The following CDH3 variants were observed in gnomAD, a reference collection of about 807,000 sequenced individuals.
The protein encoded by CDH3 is cadherin 3, also known as cadherin-3.
CDH3 carries 54 observed loss-of-function variants against 82.0 expected under a neutral mutation model. The observed-to-expected ratio is 0.66, with a 90% CI of 0.53 to 0.83. The LOEUF (loss-of-function observed/expected upper bound fraction) is 0.83, where lower values mean the gene tolerates loss of function less well. Ranked by LOEUF, CDH3 falls within the 40% of genes least tolerant of loss-of-function variation. CDH3 has a pLI of 0.00. For missense variants in CDH3, 1,054 were observed against 1,084.6 expected (o/e 0.97, Z 0.40); for synonymous variants, 446 against 437.9 (o/e 1.02, Z -0.23).
At position 68,678,883 on chromosome 16, in the gene CDH3, G is replaced by C. The variant is rs753785979; in HGVS notation, c.668G>C (p.Ser223Thr). 2 of 1,613,966 alleles carry C rather than the reference G, an allele frequency of 1.2e-6. No individual in the cohort carries two copies. The highest frequency in any genetic ancestry group is 1.7e-6 in the Non-Finnish European group (2 of 1,180,028). ...TTTACCCAGGACACCTTCCGAGGGA[G>C]TGTCTTAGAGGGAGTCCTACCAGGT... ...PKFTQDTFRG[S>T]VLEGVLPGTS... The change falls in exon 6 of 16, where the codon AGT becomes ACT. Residue 223 changes from serine (S) to threonine (T), a missense_variant. Coordinates refer to ENST00000264012, the MANE Select transcript of CDH3 (RefSeq NM_001793.6).
intron 11 of CDH3, among the ~76,000 whole-genome samples, chr16:68,686,062 T>A (rs1270087466): frequency 6.6e-6 from 1 of 152,180 alleles, no homozygotes; most frequent in African/African-American, 2.4e-5. Flanking sequence ...AAGCCTATAA[T>A]CCCAGCACTG....
chr16:68,681,445 C>A (rs927133302), intron 8 of CDH3, among the ~76,000 whole-genome samples: 1 of 152,160 alleles, frequency 6.6e-6, no homozygotes, highest in African/African-American at 2.4e-5. Flanking sequence ...TGCTTGTGTA[C>A]CTCCAAGGCA....
At chr16:68,732,893 C>A in the CDH3 span, among the ~76,000 whole-genome samples, 1 of 140,492 alleles carries the variant, frequency 7.1e-6, no homozygotes, top group Non-Finnish European at 1.5e-5. Flanking sequence ...ATGAGCTGGC[C>A]GGCATGAAAG....
intron 1 of CDH3, among the ~76,000 whole-genome samples, chr16:68,708,746 C>T (rs191817655): frequency 7.7e-4 from 117 of 151,950 alleles, no homozygotes; most frequent in Admixed American, 1.3e-3. Flanking sequence ...CGGGTTCAGG[C>T]GATTCTCCTG....
intron 2 of CDH3, among the ~76,000 whole-genome samples, chr16:68,646,509 C>T (rs1049068514): frequency 7.3e-6 from 1 of 137,324 alleles, no homozygotes; most frequent in Non-Finnish European, 1.6e-5. Context: ...CCTACCCCCC[C>T]CCTCCCCGCC....
At chr16:68,725,720 T>C (rs1222346215) in intron 2 of CDH3, among the ~76,000 whole-genome samples, 1 of 151,922 alleles carries the variant, frequency 6.6e-6, no homozygotes, top group Non-Finnish European at 1.5e-5. Context: ...GTCCAAAGAG[T>C]CTGTGGCTCT....
chr16:68,673,029 G>A (rs1208831666), intron 2 of CDH3, among the ~76,000 whole-genome samples: 1 of 152,162 alleles, frequency 6.6e-6, no homozygotes, highest in Non-Finnish European at 1.5e-5. Context: ...TTCATTATGT[G>A]AATATACCCA....
At chr16:68,717,916 C>T (rs1008088120) in intron 1 of CDH3, among the ~76,000 whole-genome samples, 1 of 152,158 alleles carries the variant, frequency 6.6e-6, no homozygotes, top group Non-Finnish European at 1.5e-5. Context: ...ATATGAGCTG[C>T]CCAGTCTTGG....
chr16:68,656,097 A>T (rs1012672513), intron 2 of CDH3, among the ~76,000 whole-genome samples: 1 of 152,148 alleles, frequency 6.6e-6, no homozygotes, highest in Non-Finnish European at 1.5e-5. Context: ...TGGATCATGG[A>T]GTGTGAGGTG....
chr16:68,689,893 C>T (rs374105467), intron 12 of CDH3, among the ~76,000 whole-genome samples: 1 of 152,068 alleles, frequency 6.6e-6, no homozygotes, highest in East Asian at 1.9e-4. Flanking sequence ...TGATTGGGGG[C>T]ACTACGGGCA....
rs1961978266 is a variant in CDH3, at chr16:68,707,453, G to A, written c.99+11530G>A. ...TGCTGTATCCTCAGTCCCTGAGGAT[G>A]CGGCAGGGCCTGTCGGGGCCTGTGG... is the stretch of plus-strand genomic sequence containing the variant. On this transcript the variant is annotated intron_variant, in intron 1 of 2. Coordinates refer to the CDH3 transcript ENST00000569080. This position sits in a 1 kb window ranked among gnomAD's most constrained non-coding sequence, Gnocchi z 4.5. Among the ~76,000 whole-genome samples, 1 of 152,214 alleles carries A rather than the reference G, an allele frequency of 6.6e-6. No homozygotes were observed. Among genetic ancestry groups the A allele is most frequent in the Non-Finnish European group, 1.5e-5 (1 of 68,030 alleles).
At chr16:68,650,287 C>T (rs1326544613) in intron 2 of CDH3, among the ~76,000 whole-genome samples, 1 of 152,054 alleles carries the variant, frequency 6.6e-6, no homozygotes, top group African/African-American at 2.4e-5. Context: ...TGCCCCATTC[C>T]TTGGGGAAAA....
chr16:68,710,706 T>C (rs1039638919), intron 1 of CDH3, among the ~76,000 whole-genome samples: 13 of 150,634 alleles, frequency 8.6e-5, no homozygotes, highest in Non-Finnish European at 1.6e-4. Context: ...TAGCCGAGTG[T>C]GGTGGCGGGC....
At chr16:68,656,714 T>C (rs1483396329) in intron 2 of CDH3, among the ~76,000 whole-genome samples, 1 of 152,172 alleles carries the variant, frequency 6.6e-6, no homozygotes, top group East Asian at 1.9e-4. Context: ...GGGAAAGATA[T>C]TTGGAGTCTT....
At chr16:68,688,196 C>T (rs571258015) in intron 12 of CDH3, among the ~76,000 whole-genome samples, 21 of 151,736 alleles carry the variant, frequency 1.4e-4, no homozygotes, top group African/African-American at 4.6e-4. Context: ...CAAAGACCTC[C>T]ACCAGGTTAA....
intron 8 of CDH3, 87 bp from the exon 9 acceptor site, chr16:68,682,215 C>A: frequency 7.0e-7 from 1 of 1,426,218 alleles, no homozygotes; most frequent in Non-Finnish European, 9.7e-7. Flanking sequence ...GCATGGGGAT[C>A]CCCTGAGGTT....
intron 1 of CDH3, among the ~76,000 whole-genome samples, chr16:68,713,919 T>TTTATTATTATTATTATTATTA (rs146101205): frequency 8.8e-5 from 13 of 147,532 alleles, no homozygotes; most frequent in African/African-American, 3.2e-4. Flanking sequence ...TTTTATTCTA[T>TTTATTATTATTATTATTATTA]TTATTATTAT....
chr16:68,691,939 C>A lies in CDH3; in HGVS notation c.2002+13C>A. 3.1e-6 allele frequency: 5 copies of A among 1,600,206 alleles called. No homozygotes were observed. The highest frequency in any genetic ancestry group is 4.3e-6 in the Non-Finnish European group (5 of 1,169,236). On this transcript the variant is annotated intron_variant, in intron 13 of 15. Coordinates refer to ENST00000264012, the MANE Select transcript of CDH3 (RefSeq NM_001793.6). The stretch of plus-strand genomic sequence containing the variant: ...CTGGCTCTGCTGTGTGAGTACCAGG[C>A]CCCCACCCCCTCCCTGAGGATGGGG...
intron 3 of CDH3, among the ~76,000 whole-genome samples, chr16:68,677,905 T>C (rs895088339): frequency 1.3e-5 from 2 of 151,888 alleles, no homozygotes; most frequent in African/African-American, 4.8e-5. Context: ...AATAGGCTCA[T>C]CTAGGTCTCC....
Sources: gnomAD v4.1 joint callset for allele counts (sites outside exome capture counted in the v4.1 genomes callset) on GRCh38, gnomAD v4.1.1 for gene constraint, Gnocchi (gnomAD v3.1) non-coding constraint, MANE v1.5 for transcripts, NCBI Gene and HGNC (gene_info 2026-07-23, HGNC 2026-07-21) for gene names.